EIF3L: variants seen among roughly 807,000 people sequenced by gnomAD.
EIF3L encodes the protein eIEF associated protein HSPC021.
In EIF3L, 32 loss-of-function variants were observed where a neutral mutation model predicts 74.6. The observed-to-expected ratio is 0.43, with a 90% CI of 0.32 to 0.58. The LOEUF is 0.58. Among genes scored for constraint, EIF3L ranks in the 20% least tolerant of loss-of-function variants. EIF3L has a pLI of 0.06. For synonymous variants in EIF3L, 256 were observed against 254.4 expected (o/e 1.01, Z -0.06); for missense variants, 474 against 707.8 (o/e 0.67, Z 3.75).
intron 4 of EIF3L, among the ~76,000 whole-genome samples, chr22:37,856,551 T>C (rs1925517551): frequency 6.6e-6 from 1 of 152,072 alleles, no homozygotes; most frequent in Non-Finnish European, 1.5e-5. Context: ...AGTTTTGAAA[T>C]GGGGAATTGT....
chr22:37,856,335 C>T (rs1479000440), intron 4 of EIF3L, among the ~76,000 whole-genome samples: 1 of 152,032 alleles, frequency 6.6e-6, no homozygotes, highest in East Asian at 1.9e-4. Context: ...CCTCAGCCTC[C>T]CAAAGTGCTA....
intron 11 of EIF3L, chr22:37,878,417 TAAAAAAAA>T (rs34181613): frequency 7.0e-6 from 1 of 142,718 alleles, no homozygotes; most frequent in Non-Finnish European, 1.4e-5. Flanking sequence ...TTTTCTCTAT[TAAAAAAAA>T]AAAAAAAAAA....
chr22:37,861,007 G>T (rs1006630349), intron 5 of EIF3L, among the ~76,000 whole-genome samples: 3 of 152,104 alleles, frequency 2.0e-5, no homozygotes, highest in Admixed American at 1.3e-4. Context: ...TCTCTTGTAC[G>T]TTGTATTTGT....
At chr22:37,871,638 C>G (rs1173392463) in intron 8 of EIF3L, among the ~76,000 whole-genome samples, 1 of 152,082 alleles carries the variant, frequency 6.6e-6, no homozygotes, top group African/African-American at 2.4e-5. Context: ...GAGGCTGAGG[C>G]GGGCAGATCA....
chr22:37,888,148 C>T (rs981406702), intron 12 of EIF3L: 9 of 374,110 alleles, frequency 2.4e-5, no homozygotes, highest in African/African-American at 6.2e-5. Flanking sequence ...AACCTTGAAA[C>T]GTCTGGCCAG....
At chr22:37,878,235 T>C (rs556708863) in intron 11 of EIF3L, 64 bp downstream of exon 11, 1 of 1,516,054 alleles carries the variant, frequency 6.6e-7, no homozygotes, top group Non-Finnish European at 8.8e-7. Flanking sequence ...TTCACTATTG[T>C]GGGCACATGA....
rs904848316 is a variant in EIF3L at position 37,850,047 on chromosome 22, C to G, written c.66C>G (p.Asp22Glu). 7 of 1,613,746 alleles carry G rather than the reference C, an allele frequency of 4.3e-6. No individual in the cohort carries two copies. Among genetic ancestry groups the G allele is most frequent in the Non-Finnish European group, 5.9e-6 (7 of 1,179,776 alleles). ...AAYDPYAYPSDYDMHTGDPKQ... is the reference protein window; with the variant it reads ...AAYDPYAYPSEYDMHTGDPKQ... ...ATGACCCCTACGCTTATCCCAGCGA[C>G]TATGATATGCACACAGGTGAGACCA... Residue 22 changes from aspartate to glutamate, a missense_variant, in exon 2 of 13, where the codon GAC becomes GAG. By Grantham distance (45) the Asp-to-Glu change is conservative. Coordinates refer to ENST00000652021, the MANE Select transcript of EIF3L (RefSeq NM_016091.4).
At chr22:37,870,419 T>C in intron 8 of EIF3L, 72 bp downstream of exon 8, 1 of 1,459,608 alleles carries the variant, frequency 6.9e-7, no homozygotes, top group Non-Finnish European at 9.3e-7. Context: ...AATGAATAGA[T>C]CACTGCAAGG....
At chr22:37,888,149 G>A (rs561789229) in intron 12 of EIF3L, 10 of 371,802 alleles carry the variant, frequency 2.7e-5, no homozygotes, top group East Asian at 2.2e-4. Context: ...ACCTTGAAAC[G>A]TCTGGCCAGT....
Position 37,886,776 on chromosome 22 carries a change from C to T in EIF3L, c.1587C>T (p.His529=). 2 of 1,609,966 alleles carry T rather than the reference C, an allele frequency of 1.2e-6. No individual in the cohort carries two copies. The highest frequency in any genetic ancestry group is 1.7e-6 in the Non-Finnish European group (2 of 1,177,270). ...VDFYIDKDMI[H]IADTKVARRY... The stretch of plus-strand genomic sequence containing the variant: ...GCTTTCCCCCACAGGACATGATCCA[C>T]ATCGCGGACACCAAGGTCGCCAGGC... The change falls in exon 12 of 13, where the codon CAC becomes CAT. Residue 529 remains histidine, a synonymous_variant. Transcript: ENST00000652021.
chr22:37,862,846 TAGTA>T (rs778709904), intron 5 of EIF3L, 119 bp from the exon 6 acceptor site: 60 of 696,894 alleles, frequency 8.6e-5, no homozygotes, highest in Non-Finnish European at 1.3e-4. Context: ...CATATTTACA[TAGTA>T]AGAAAGAGAG....
intron 7 of EIF3L, among the ~76,000 whole-genome samples, chr22:37,869,116 CAGTCT>C (rs1181608418): frequency 6.6e-6 from 1 of 152,072 alleles, no homozygotes; most frequent in Non-Finnish European, 1.5e-5. Flanking sequence ...TTTTGTCCCA[CAGTCT>C]AGAAGAAGAT....
intron 6 of EIF3L, 92 bp downstream of exon 6, chr22:37,863,130 A>G: frequency 1.7e-6 from 2 of 1,210,580 alleles, no homozygotes; most frequent in South Asian, 1.4e-5. Context: ...TTAAATTAGC[A>G]GGATCTTAAT....
At chr22:37,888,349 A>G (rs1569127016) in intron 12 of EIF3L, 77 bp from the exon 13 acceptor site, 9 of 1,500,236 alleles carry the variant, frequency 6.0e-6, no homozygotes, top group Non-Finnish European at 3.7e-6. Flanking sequence ...TGGGAATCTG[A>G]CCTAGTGATC....
intron 12 of EIF3L, 94 bp from the exon 13 acceptor site, chr22:37,888,332 G>A: frequency 7.3e-7 from 1 of 1,363,234 alleles, no homozygotes; most frequent in Non-Finnish European, 1.0e-6. Context: ...GGCTTCAGAG[G>A]GGCAGCTGGG....
intron 7 of EIF3L, among the ~76,000 whole-genome samples, chr22:37,868,899 C>T (rs1362766631): frequency 6.6e-6 from 1 of 151,874 alleles, no homozygotes; most frequent in Admixed American, 6.6e-5. Flanking sequence ...GCATCGGCCT[C>T]CCAAAGTGCT....
At chr22:37,864,978 C>G (rs1295971799) in intron 7 of EIF3L, among the ~76,000 whole-genome samples, 1 of 152,148 alleles carries the variant, frequency 6.6e-6, no homozygotes, top group East Asian at 1.9e-4. Flanking sequence ...AGCATAGTGC[C>G]TGTCACAGAA....
intron 8 of EIF3L, among the ~76,000 whole-genome samples, chr22:37,873,013 G>C (rs1569119528): frequency 6.6e-6 from 1 of 151,694 alleles, no homozygotes; most frequent in Non-Finnish European, 1.5e-5. Flanking sequence ...TTTTGAGACA[G>C]AGTCTTGCTC....
chr22:37,875,904 T>G lies in EIF3L; in HGVS notation c.970T>G (p.Leu324Val). Residue 324 changes from leucine (L) to valine (V), a missense_variant, in exon 10 of 13, where the codon TTG becomes GTG. Physicochemically the swap from Leu to Val is conservative, Grantham distance 32. Transcript: ENST00000652021. ...ATACTATTATGTTGGGTTTGCATAT[T>G]TGATGATGCGTCGTTACCAGGATGC... ...TTYYYVGFAY[L>V]MMRRYQDAIR... 1 of 1,614,136 alleles carries G rather than the reference T, an allele frequency of 6.2e-7. No individual in the cohort carries two copies. The highest frequency in any genetic ancestry group is 2.2e-5 in the East Asian group (1 of 44,884).
Sources: allele counts gnomAD v4.1 joint callset (sites outside exome capture counted in the v4.1 genomes callset), GRCh38; gene constraint gnomAD v4.1.1; transcripts MANE v1.5; gene names NCBI Gene and HGNC (gene_info 2026-07-23, HGNC 2026-07-21).